RANBP2: variants seen among roughly 807,000 people sequenced by gnomAD.
RANBP2 encodes E3 SUMO-protein ligase RanBP2.
RANBP2 carries 57 observed loss-of-function variants against 303.6 expected under a neutral mutation model. The observed-to-expected ratio is 0.19, with a 90% confidence interval of 0.15 to 0.23. RANBP2 has a LOEUF of 0.23. Ranked by LOEUF, RANBP2 falls within the 10% of genes least tolerant of loss-of-function variation. RANBP2 has a pLI of 1.00. For synonymous variants in RANBP2, 1,167 were observed against 1,301.5 expected (o/e 0.90, Z 2.23); for missense variants, 3,138 against 3,780.8 (o/e 0.83, Z 4.46).
At chr2:109,519,357 G>A in the RANBP2 span, among the ~76,000 whole-genome samples, 2 of 152,128 alleles carry the variant, frequency 1.3e-5, no homozygotes, top group Non-Finnish European at 2.9e-5. Context: ...TCCAGCATTG[G>A]GGATTACATT....
the RANBP2 span, among the ~76,000 whole-genome samples, chr2:109,384,657 T>G: frequency 6.6e-6 from 1 of 152,158 alleles, no homozygotes; most frequent in Non-Finnish European, 1.5e-5. Context: ...GTCCATAGAC[T>G]CCTCCTGACC....
At chr2:108,938,020 A>T in the RANBP2 span, among the ~76,000 whole-genome samples, 1 of 152,148 alleles carries the variant, frequency 6.6e-6, no homozygotes, top group Non-Finnish European at 1.5e-5. Context: ...ATAATGCATG[A>T]AACACTTATT....
the RANBP2 span, among the ~76,000 whole-genome samples, chr2:109,057,490 T>G: frequency 2.0e-5 from 3 of 152,190 alleles, no homozygotes; most frequent in Admixed American, 1.3e-4. Context: ...GCGAGCAGAT[T>G]GCGGAGTCGA....
At chr2:108,952,602 T>C in the RANBP2 span, among the ~76,000 whole-genome samples, 1 of 152,394 alleles carries the variant, frequency 6.6e-6, no homozygotes, top group Admixed American at 6.5e-5. Context: ...ATTCTCCATC[T>C]GTTCACTCAT....
At chr2:109,679,994 C>G in the RANBP2 span, among the ~76,000 whole-genome samples, 2 of 151,926 alleles carry the variant, frequency 1.3e-5, no homozygotes, top group Non-Finnish European at 1.5e-5. Context: ...TCGTGAAAGA[C>G]AGCGGGCAGT....
the RANBP2 span, among the ~76,000 whole-genome samples, chr2:109,453,489 C>A: frequency 6.6e-6 from 1 of 152,166 alleles, no homozygotes; most frequent in South Asian, 2.1e-4. Context: ...GTGATACGAA[C>A]CCTCAGGGTA....
the RANBP2 span, chr2:109,614,795 G>C: frequency 2.0e-6 from 3 of 1,471,884 alleles, no homozygotes; most frequent in Non-Finnish European, 2.7e-6. Flanking sequence ...TGACCGCCGA[G>C]CCCGAGGCCC....
the RANBP2 span, among the ~76,000 whole-genome samples, chr2:109,431,479 T>C: frequency 9.8e-5 from 15 of 152,318 alleles, no homozygotes; most frequent in East Asian, 3.9e-4. Flanking sequence ...GATATAGGTA[T>C]AGTTAAGTAT....
the RANBP2 span, among the ~76,000 whole-genome samples, chr2:109,339,919 G>A: frequency 6.6e-6 from 1 of 152,142 alleles, no homozygotes; most frequent in South Asian, 2.1e-4. Flanking sequence ...GGCTTCCCTC[G>A]CCTTTTGGGG....
intron 1 of RANBP2, among the ~76,000 whole-genome samples, chr2:108,728,089 C>G (rs1437864391): frequency 1.3e-5 from 2 of 152,144 alleles, no homozygotes; most frequent in Non-Finnish European, 2.9e-5. Context: ...TTAATAGATC[C>G]TAAGTACTTA....
chr2:108,824,656 T>G, the RANBP2 span, among the ~76,000 whole-genome samples: 2 of 152,170 alleles, frequency 1.3e-5, no homozygotes, highest in Non-Finnish European at 2.9e-5. Context: ...AAGTATAGTG[T>G]AGCAAATATG....
chr2:109,454,990 G>T, the RANBP2 span, among the ~76,000 whole-genome samples: 1 of 151,944 alleles, frequency 6.6e-6, no homozygotes, highest in Non-Finnish European at 1.5e-5. Flanking sequence ...ATAGAATATT[G>T]AAACTTGAAA....
the RANBP2 span, among the ~76,000 whole-genome samples, chr2:109,214,949 G>A: frequency 6.6e-6 from 1 of 152,238 alleles, no homozygotes; most frequent in Non-Finnish European, 1.5e-5. Context: ...GTAGTGAGCT[G>A]AGGAGAGAAG....
At chr2:109,006,279 C>T in the RANBP2 span, among the ~76,000 whole-genome samples, 7 of 152,100 alleles carry the variant, frequency 4.6e-5, no homozygotes, top group East Asian at 9.7e-4. Context: ...CTGCAACCTC[C>T]GCCTCCTGGA....
the RANBP2 span, among the ~76,000 whole-genome samples, chr2:108,914,562 A>G: frequency 6.6e-6 from 1 of 152,242 alleles, no homozygotes; most frequent in Non-Finnish European, 1.5e-5. Flanking sequence ...AGACGCAACC[A>G]TTCAGCCAAA....
chr2:108,914,281 T>C, the RANBP2 span, among the ~76,000 whole-genome samples: 1 of 151,446 alleles, frequency 6.6e-6, no homozygotes, highest in African/African-American at 2.4e-5. Context: ...AAAATAAAAA[T>C]AAAATAAAAA....
chr2:109,657,245 A>G, the RANBP2 span, among the ~76,000 whole-genome samples: 1 of 152,140 alleles, frequency 6.6e-6, no homozygotes, highest in Non-Finnish European at 1.5e-5. Flanking sequence ...CAGGAGTTTG[A>G]GACCATCCCA....
At chr2:108,794,601 T>G in the RANBP2 span, 2 of 1,614,098 alleles carry the variant, frequency 1.2e-6, no homozygotes, top group Admixed American at 3.3e-5. Context: ...GTGATGCAGG[T>G]GACTCTCCTT....
At chr2:108,775,167 C>T (rs1169072468) in intron 23 of RANBP2, among the ~76,000 whole-genome samples, 26 of 152,058 alleles carry the variant, frequency 1.7e-4, no homozygotes, top group Admixed American at 1.7e-3. Flanking sequence ...TTCCTTGAGA[C>T]GTTCTTTTTG....
Sources: allele counts gnomAD v4.1 joint callset (sites outside exome capture counted in the v4.1 genomes callset), GRCh38; gene constraint gnomAD v4.1.1; transcripts MANE v1.5; gene names NCBI Gene and HGNC (gene_info 2026-07-23, HGNC 2026-07-21).